Variants in DNAH7 observed in about 807,000 individuals in gnomAD.
The protein encoded by DNAH7 is axonemal beta dynein heavy chain 7.
In DNAH7, 397 loss-of-function variants were observed where a neutral mutation model predicts 444.6. That is an observed-to-expected ratio of 0.89 (90% confidence interval 0.82 to 0.97). The LOEUF is 0.97. Ranked by LOEUF, DNAH7 falls within the 50% of genes least tolerant of loss-of-function variation. The pLI, the probability that DNAH7 is intolerant of heterozygous loss-of-function variation, is 0.00. For missense variants in DNAH7, 4,902 were observed against 4,800.8 expected (o/e 1.02, Z -0.62); for synonymous variants, 1,636 against 1,624.4 (o/e 1.01, Z -0.17).
intron 53 of DNAH7, 51 bp from the exon 54 acceptor site, chr2:195,806,883 C>A: frequency 6.8e-7 from 1 of 1,466,340 alleles, no homozygotes; most frequent in South Asian, 1.2e-5. Context: ...ATAAAGAGAA[C>A]AGTATTTTCA....
intron 63 of DNAH7, among the ~76,000 whole-genome samples, chr2:195,744,213 C>A (rs552047416): frequency 6.6e-6 from 1 of 152,344 alleles, no homozygotes; most frequent in South Asian, 2.1e-4. Context: ...GAGATTATAT[C>A]CCACACCTGG....
At chr2:196,013,762 TAAATA>T (rs1006168075) in intron 9 of DNAH7, among the ~76,000 whole-genome samples, 1 of 152,240 alleles carries the variant, frequency 6.6e-6, no homozygotes, top group African/African-American at 2.4e-5. Context: ...TGTAATGTTT[TAAATA>T]AAATGTTTAA....
At chr2:196,027,552 GTGT>G (rs1695768022) in intron 6 of DNAH7, among the ~76,000 whole-genome samples, 2 of 152,012 alleles carry the variant, frequency 1.3e-5, no homozygotes, top group South Asian at 2.1e-4. Context: ...TGAATTAGCA[GTGT>G]TGTCTTTGAT....
intron 63 of DNAH7, among the ~76,000 whole-genome samples, chr2:195,752,405 G>T (rs1693845878): frequency 1.3e-5 from 2 of 152,268 alleles, no homozygotes; most frequent in East Asian, 3.9e-4. Context: ...TTATTGAAAT[G>T]ACTCATTTTA....
intron 57 of DNAH7, among the ~76,000 whole-genome samples, chr2:195,790,493 A>ACATAGAC (rs907896477): frequency 1.3e-5 from 2 of 151,752 alleles, no homozygotes; most frequent in Admixed American, 6.6e-5. Context: ...AAAAACAGAC[A>ACATAGAC]CATAGACCAA....
chr2:195,801,062 C>G (rs1396167596), intron 54 of DNAH7, among the ~76,000 whole-genome samples: 1 of 152,158 alleles, frequency 6.6e-6, no homozygotes, highest in Non-Finnish European at 1.5e-5. Flanking sequence ...CTTCGACCTT[C>G]TGCCATGCTG....
At chr2:195,813,080 C>A (rs974752516) in intron 51 of DNAH7, among the ~76,000 whole-genome samples, 1 of 152,070 alleles carries the variant, frequency 6.6e-6, no homozygotes. Context: ...GGATATACAC[C>A]CACCAAAGAC....
At chr2:195,832,446 T>A (rs1286199467) in intron 48 of DNAH7, among the ~76,000 whole-genome samples, 1 of 148,470 alleles carries the variant, frequency 6.7e-6, no homozygotes, top group African/African-American at 2.5e-5. Context: ...CTTTCTTTCT[T>A]TTTTTTTTTT....
chr2:196,059,185 G>C (rs1029537786), intron 1 of DNAH7, among the ~76,000 whole-genome samples: 1 of 151,870 alleles, frequency 6.6e-6, no homozygotes, highest in Non-Finnish European at 1.5e-5. Context: ...TCCTAGAATG[G>C]TCTACTTCCT....
chr2:196,057,512 A>G (rs1455765207), intron 2 of DNAH7, among the ~76,000 whole-genome samples: 2 of 152,210 alleles, frequency 1.3e-5, no homozygotes, highest in African/African-American at 2.4e-5. Flanking sequence ...TATTTTGTAG[A>G]ACTTTTGGTA....
At chr2:195,811,810 C>T (rs908729753) in intron 51 of DNAH7, among the ~76,000 whole-genome samples, 8 of 152,104 alleles carry the variant, frequency 5.3e-5, no homozygotes, top group Admixed American at 5.2e-4. Context: ...TATCAAATTG[C>T]CTTTGCAAAA....
intron 5 of DNAH7, among the ~76,000 whole-genome samples, chr2:196,041,837 A>C (rs1696781847): frequency 6.6e-6 from 1 of 151,934 alleles, no homozygotes; most frequent in South Asian, 2.1e-4. Context: ...AGAATATATA[A>C]GGAACTCAAA....
At chr2:195,945,330 A>G (rs1419207451) in intron 19 of DNAH7, among the ~76,000 whole-genome samples, 1 of 152,186 alleles carries the variant, frequency 6.6e-6, no homozygotes, top group African/African-American at 2.4e-5. Context: ...GGAAATACTG[A>G]GTTCAACAAC....
At chr2:195,964,979 A>C (rs564947914) in intron 17 of DNAH7, among the ~76,000 whole-genome samples, 4 of 152,090 alleles carry the variant, frequency 2.6e-5, no homozygotes, top group African/African-American at 7.2e-5. Context: ...GGACTGCTGT[A>C]GCTAGTACTT....
intron 7 of DNAH7, among the ~76,000 whole-genome samples, chr2:196,026,009 G>C (rs751036452): frequency 1.3e-5 from 2 of 152,122 alleles, no homozygotes; most frequent in Admixed American, 6.6e-5. Flanking sequence ...TTTTTAAAAC[G>C]GTTCTGGTAA....
intron 47 of DNAH7, among the ~76,000 whole-genome samples, chr2:195,842,337 C>G (rs965075447): frequency 1.3e-5 from 2 of 151,978 alleles, no homozygotes; most frequent in African/African-American, 4.8e-5. Context: ...TCCAGTTTTC[C>G]TAAATAATCG....
intron 41 of DNAH7, among the ~76,000 whole-genome samples, chr2:195,863,189 A>G (rs1278061142): frequency 3.9e-5 from 6 of 152,240 alleles, no homozygotes; most frequent in African/African-American, 1.4e-4. Context: ...TTAGATTAAG[A>G]CTTGCTACAA....
intron 57 of DNAH7, among the ~76,000 whole-genome samples, chr2:195,790,270 C>T (rs1695817653): frequency 6.6e-6 from 1 of 152,084 alleles, no homozygotes; most frequent in African/African-American, 2.4e-5. Flanking sequence ...TATACACATT[C>T]AACACCATTC....
intron 24 of DNAH7, among the ~76,000 whole-genome samples, chr2:195,910,716 TG>T (rs777552590): frequency 1.3e-5 from 2 of 152,236 alleles, no homozygotes; most frequent in South Asian, 2.1e-4. Context: ...TGTGGGGAGC[TG>T]GAATGGATCC....
Sources: allele counts gnomAD v4.1 joint callset (sites outside exome capture counted in the v4.1 genomes callset), GRCh38; gene constraint gnomAD v4.1.1; transcripts MANE v1.5; gene names NCBI Gene and HGNC (gene_info 2026-07-23, HGNC 2026-07-21).